MLLT3: variants seen among roughly 807,000 people sequenced by gnomAD.
MLLT3 encodes MLLT3 super elongation complex subunit.
Under a neutral mutation model 53.2 loss-of-function variants are expected in MLLT3, and 4 were observed. The ratio of observed to expected loss-of-function variants is 0.08; its 90% confidence interval spans 0.04 to 0.17. The LOEUF (loss-of-function observed/expected upper bound fraction) is 0.17. MLLT3 is among the 10% of genes least tolerant of loss of function. The probability of loss-of-function intolerance (pLI) is 1.00; values close to 1 mark genes in which losing one functional copy is unlikely to be tolerated. For missense variants in MLLT3, 569 were observed against 684.0 expected (o/e 0.83, Z 1.87); for synonymous variants, 283 against 230.6 (o/e 1.23, Z -2.06).
chr9:20,568,008 T>C (rs1819427335), intron 2 of MLLT3, among the ~76,000 whole-genome samples: 1 of 152,192 alleles, frequency 6.6e-6, no homozygotes, highest in Admixed American at 6.6e-5. Flanking sequence ...TCTGTGGCTA[T>C]TCAATAATTC....
chr9:20,568,939 G>A (rs1488890268), intron 2 of MLLT3, among the ~76,000 whole-genome samples: 1 of 152,044 alleles, frequency 6.6e-6, no homozygotes, highest in Non-Finnish European at 1.5e-5. Flanking sequence ...TCACATCTTT[G>A]TCTTTAAGAT....
chr9:20,366,412 C>A (rs1372718019), intron 5 of MLLT3, among the ~76,000 whole-genome samples: 1 of 152,192 alleles, frequency 6.6e-6, no homozygotes, highest in Non-Finnish European at 1.5e-5. Context: ...TCATGGTGTA[C>A]ATGTGCCACA....
chr9:20,611,658 A>T (rs1268544063), intron 2 of MLLT3, among the ~76,000 whole-genome samples: 2 of 152,132 alleles, frequency 1.3e-5, no homozygotes, highest in African/African-American at 2.4e-5. Context: ...CTTTAATAAA[A>T]AAAATGGTGA....
At chr9:20,441,436 A>G (rs892671840) in intron 4 of MLLT3, among the ~76,000 whole-genome samples, 1 of 152,146 alleles carries the variant, frequency 6.6e-6, no homozygotes, top group Non-Finnish European at 1.5e-5. Context: ...CACAATTTTG[A>G]CTTTCTACTT....
Position 20,435,799 on chromosome 9 carries a change from C to T in MLLT3, c.420+12324G>A, listed in dbSNP as rs563311046. On this transcript the variant is annotated intron_variant, in intron 4 of 10. Coordinates refer to ENST00000380338, the MANE Select transcript of MLLT3 (RefSeq NM_004529.4). ...AAACAAAAGAATAAAAATCTTCTGCCAGAAGTCTTCCAGGACTTGAAAAGC... is the reference window on the plus strand; with the variant it reads ...AAACAAAAGAATAAAAATCTTCTGCTAGAAGTCTTCCAGGACTTGAAAAGC... Among the ~76,000 whole-genome samples, 6 of 152,160 alleles carry T rather than the reference C, an allele frequency of 3.9e-5. No individual in the cohort carries two copies. The East Asian group carries it at 1.2e-3, about 29-fold the overall frequency.
intron 5 of MLLT3, among the ~76,000 whole-genome samples, chr9:20,397,014 CT>C (rs1822337385): frequency 6.6e-6 from 1 of 152,110 alleles, no homozygotes; most frequent in Non-Finnish European, 1.5e-5. Flanking sequence ...TCAACCAATC[CT>C]TTGATGCAGA....
chr9:20,452,286 G>A (rs1293727664), intron 3 of MLLT3, among the ~76,000 whole-genome samples: 1 of 152,154 alleles, frequency 6.6e-6, no homozygotes, highest in Non-Finnish European at 1.5e-5. Context: ...GATTATGGGG[G>A]TGTTCCCTCA....
rs752355313 is a variant in MLLT3 at position 20,620,850 on chromosome 9, G to T, written c.13-16C>A. ...GCACGGCACACTGCGGGCAGGGGGA[G>T]GAGAGACAGCCGTGAATAACAGGAA... On this transcript the variant is annotated splice_polypyrimidine_tract_variant and intron_variant, in intron 1 of 10. Coordinates refer to ENST00000380338, the MANE Select transcript of MLLT3 (RefSeq NM_004529.4). The surrounding 1 kb of genome is among the most constrained non-coding windows in gnomAD (Gnocchi z 6.1). The T allele has an allele frequency of 1.2e-6, 2 of 1,613,948 alleles. No homozygotes were observed. The highest frequency in any genetic ancestry group is 3.3e-5 in the Admixed American group (2 of 60,030).
At chr9:20,602,483 T>A (rs904582998) in intron 2 of MLLT3, among the ~76,000 whole-genome samples, 1 of 152,124 alleles carries the variant, frequency 6.6e-6, no homozygotes, top group Non-Finnish European at 1.5e-5. Context: ...TACTCTCACA[T>A]GGCTTATAAA....
intron 4 of MLLT3, among the ~76,000 whole-genome samples, chr9:20,414,688 T>C (rs1016185224): frequency 1.3e-5 from 2 of 152,182 alleles, no homozygotes; most frequent in Non-Finnish European, 2.9e-5. Flanking sequence ...TTAAAACATT[T>C]CAATTCAACA....
intron 5 of MLLT3, among the ~76,000 whole-genome samples, chr9:20,412,363 AAGCC>A (rs1822750414): frequency 1.3e-5 from 2 of 152,234 alleles, no homozygotes; most frequent in African/African-American, 4.8e-5. Flanking sequence ...TATGACTATA[AAGCC>A]TTTACCAAAT....
intron 2 of MLLT3, among the ~76,000 whole-genome samples, chr9:20,465,084 A>C (rs1490376086): frequency 6.6e-6 from 1 of 152,082 alleles, no homozygotes; most frequent in Admixed American, 6.5e-5. Context: ...CCTAAACACA[A>C]TGAATGTGGA....
chr9:20,498,124 G>A (rs1434398739), intron 2 of MLLT3, among the ~76,000 whole-genome samples: 3 of 150,432 alleles, frequency 2.0e-5, no homozygotes, highest in Non-Finnish European at 4.4e-5. Flanking sequence ...TCAGGAGGCT[G>A]ACGCAGAGAA....
At chr9:20,405,446 C>T (rs951707349) in intron 5 of MLLT3, among the ~76,000 whole-genome samples, 2 of 152,116 alleles carry the variant, frequency 1.3e-5, no homozygotes, top group African/African-American at 4.8e-5. Flanking sequence ...GGTTTTAATT[C>T]GACATGACTT....
intron 7 of MLLT3, among the ~76,000 whole-genome samples, chr9:20,362,165 G>A (rs1007033995): frequency 6.6e-6 from 1 of 152,142 alleles, no homozygotes; most frequent in African/African-American, 2.4e-5. Context: ...GCACGGTCAG[G>A]CAGGGAACAA....
intron 2 of MLLT3, among the ~76,000 whole-genome samples, chr9:20,572,531 C>T (rs948871265): frequency 5.3e-5 from 8 of 152,224 alleles, no homozygotes; most frequent in African/African-American, 1.7e-4. Flanking sequence ...TGGTGGCTCA[C>T]GCCTGTAATC....
chr9:20,548,512 A>G (rs544307774), intron 2 of MLLT3, among the ~76,000 whole-genome samples: 31 of 152,370 alleles, frequency 2.0e-4, no homozygotes, highest in African/African-American at 7.5e-4. Context: ...GAGTACATAC[A>G]GTAAATGGAT....
chr9:20,595,445 A>G (rs1264592710), intron 2 of MLLT3, among the ~76,000 whole-genome samples: 1 of 152,116 alleles, frequency 6.6e-6, no homozygotes, highest in Non-Finnish European at 1.5e-5. Flanking sequence ...TTATAATTTT[A>G]TATTACCACA....
At chr9:20,350,172 G>T (rs1196909081) in intron 10 of MLLT3, among the ~76,000 whole-genome samples, 1 of 152,188 alleles carries the variant, frequency 6.6e-6, no homozygotes, top group African/African-American at 2.4e-5. Context: ...ACTCCACTGT[G>T]CCTTTCTACA....
Sources: allele counts gnomAD v4.1 joint callset (sites outside exome capture counted in the v4.1 genomes callset), GRCh38; gene constraint gnomAD v4.1.1; non-coding constraint Gnocchi (gnomAD v3.1); transcripts MANE v1.5; gene names NCBI Gene and HGNC (gene_info 2026-07-23, HGNC 2026-07-21).